SNAPC1: variants seen among roughly 807,000 people sequenced by gnomAD.
SNAPC1 encodes small nuclear RNA activating complex polypeptide 1.
A neutral mutation model predicts 50.1 loss-of-function variants in SNAPC1; 42 were observed. The observed-to-expected ratio is 0.84, with a 90% CI of 0.65 to 1.08. SNAPC1 has a LOEUF of 1.08. SNAPC1 is among the 50% of genes least tolerant of loss of function. The pLI is 0.00. For missense variants in SNAPC1, 477 were observed against 427.3 expected (o/e 1.12, Z -1.02); for synonymous variants, 164 against 144.2 (o/e 1.14, Z -0.98).
At position 61,776,215 on chromosome 14, in the gene SNAPC1, A is replaced by G. The variant is rs1309083468; in HGVS notation, c.655A>G (p.Ile219Val). Residue 219 changes from isoleucine to valine, a missense_variant, in exon 5 of 10, where the codon ATA (isoleucine) becomes GTA (valine). Coordinates refer to ENST00000216294, the MANE Select transcript of SNAPC1 (RefSeq NM_003082.4). ...KDDFFDNIKN[I>V]VLEHQQWHKD... Reference sequence around the variant, plus strand: ...TGATTTTTTTGACAATATTAAGAACATAGTTTTGGAGCATCAGCAGTGGCA... The same window carrying G: ...TGATTTTTTTGACAATATTAAGAACGTAGTTTTGGAGCATCAGCAGTGGCA... The G allele has an allele frequency of 5.0e-6, 8 of 1,613,348 alleles. No individual in the cohort carries two copies. The highest frequency in any genetic ancestry group is 1.7e-4 in the Middle Eastern group (1 of 6,056).
chr14:61,762,610 C>T (rs200130280), intron 1 of SNAPC1, 22 bp downstream of exon 1: 1 of 1,605,398 alleles, frequency 6.2e-7, no homozygotes, highest in Admixed American at 1.7e-5. Flanking sequence ...TTGTCCACCA[C>T]CCGCCTCTCC....
At chr14:61,782,861 A>C (rs28547992) in intron 8 of SNAPC1, among the ~76,000 whole-genome samples, 1 of 151,916 alleles carries the variant, frequency 6.6e-6, no homozygotes. Flanking sequence ...AGCTGAGATC[A>C]TGTCACTTCA....
chr14:61,785,125 G>A (rs905245979), intron 8 of SNAPC1, among the ~76,000 whole-genome samples: 4 of 152,058 alleles, frequency 2.6e-5, no homozygotes, highest in Admixed American at 6.6e-5. Context: ...TTTCCAGGCC[G>A]GGCGCGGTGG....
chr14:61,775,445 G>A (rs893839530), intron 4 of SNAPC1, among the ~76,000 whole-genome samples: 3 of 151,886 alleles, frequency 2.0e-5, no homozygotes, highest in Admixed American at 1.3e-4. Flanking sequence ...TAGTAGAGAC[G>A]GGGTTTCACC....
intron 8 of SNAPC1, among the ~76,000 whole-genome samples, chr14:61,791,078 C>A (rs1442655191): frequency 6.6e-6 from 1 of 152,134 alleles, no homozygotes; most frequent in Non-Finnish European, 1.5e-5. Flanking sequence ...GTGGCGCGAT[C>A]TCGGCTCACT....
chr14:61,781,714 C>G lies in SNAPC1; in HGVS notation c.826-533C>G, dbSNP rs545030934. Among the ~76,000 whole-genome samples the G allele has an allele frequency of 1.8e-3, 271 of 152,294 alleles. 1 individual carries two copies. Among genetic ancestry groups the G allele is most frequent in the African/African-American group, 6.3e-3 (263 of 41,572 alleles). ...ATGTTCCCAGCTTTAGCTTCCAAGG[C>G]AAGAAAGAATTTTTCCTTCTTAATA... On this transcript the variant is annotated intron_variant, in intron 7 of 9. Coordinates refer to ENST00000216294, the MANE Select transcript of SNAPC1 (RefSeq NM_003082.4).
At chr14:61,777,445 G>A (rs959733053) in intron 5 of SNAPC1, among the ~76,000 whole-genome samples, 6 of 152,058 alleles carry the variant, frequency 3.9e-5, no homozygotes. Context: ...TGGCATGACT[G>A]CAGCTCACTG....
intron 8 of SNAPC1, among the ~76,000 whole-genome samples, chr14:61,791,016 T>C (rs111594116): frequency 1.2e-4 from 19 of 152,274 alleles, no homozygotes; most frequent in African/African-American, 4.6e-4. Context: ...AATTTACTTT[T>C]TTGTTCCCTC....
chr14:61,776,108 T>C lies in SNAPC1; in HGVS notation c.548T>C (p.Val183Ala). ...TTTTGCTTTTAGGAAATGCTGAATG[T>C]TCATGATCATTATCAGAACATGAAA... ...TSDVLEEMLN[V>A]HDHYQNMKHV... The change falls in exon 5 of 10, where the codon GTT becomes GCT. Residue 183 changes from valine to alanine, a missense_variant. Val to Ala is a moderately conservative substitution (Grantham distance 64). Transcript: ENST00000216294. 1 of 1,592,820 alleles carries C rather than the reference T, an allele frequency of 6.3e-7. No homozygotes were observed. The highest frequency in any genetic ancestry group is 8.5e-7 in the Non-Finnish European group (1 of 1,174,794).
At chr14:61,767,952 G>T (rs1322064448) in intron 3 of SNAPC1, among the ~76,000 whole-genome samples, 1 of 152,116 alleles carries the variant, frequency 6.6e-6, no homozygotes, top group African/African-American at 2.4e-5. Flanking sequence ...GCTAATTTTT[G>T]TATTTTTAGT....
chr14:61,794,991 GCCTGGT>G lies in SNAPC1; in HGVS notation c.*9_*14del. ...AAGAGGAGAAAACACTGAACAAAGAGCCTGGTGTAGTTTTTAATTTTGAGTTTTCTG... is the reference window on the plus strand; with the variant it reads ...AAGAGGAGAAAACACTGAACAAAGAGGTAGTTTTTAATTTTGAGTTTTCTG... On this transcript the variant is annotated 3_prime_UTR_variant, in exon 10 of 10. Coordinates refer to ENST00000216294, the MANE Select transcript of SNAPC1 (RefSeq NM_003082.4). 6.4e-7 allele frequency: 1 copy of G among 1,559,716 alleles called. No individual in the cohort carries two copies. The highest frequency in any genetic ancestry group is 8.7e-7 in the Non-Finnish European group (1 of 1,153,758).
rs181005358 is a variant in SNAPC1 at position 61,764,016 on chromosome 14, C to T, written c.128+1428C>T. Among the ~76,000 whole-genome samples the T allele has an allele frequency of 5.6e-4, 85 of 152,220 alleles. No individual in the cohort carries two copies. The East Asian group carries it at 0.014, about 25-fold the overall frequency. Reference sequence around the variant, plus strand: ...ATGGTGCGATCTCCTATCACTGCAACCTCCACCTCCCGGGTTCAAGAGATT... The same window carrying T: ...ATGGTGCGATCTCCTATCACTGCAATCTCCACCTCCCGGGTTCAAGAGATT... On this transcript the variant is annotated intron_variant, in intron 1 of 9. Transcript: ENST00000216294.
chr14:61,763,896 A>G (rs913303939), intron 1 of SNAPC1, among the ~76,000 whole-genome samples: 1 of 152,194 alleles, frequency 6.6e-6, no homozygotes, highest in Non-Finnish European at 1.5e-5. Context: ...GAGCTGATAT[A>G]TCAGAAATAC....
chr14:61,775,497 TCCC>T (rs1194400603), intron 4 of SNAPC1, among the ~76,000 whole-genome samples: 10 of 151,970 alleles, frequency 6.6e-5, no homozygotes, highest in African/African-American at 1.9e-4. Flanking sequence ...CTGGTGATTC[TCCC>T]ACCTTGGCCT....
intron 8 of SNAPC1, among the ~76,000 whole-genome samples, chr14:61,785,628 A>G (rs1225173645): frequency 6.6e-6 from 1 of 152,180 alleles, no homozygotes; most frequent in African/African-American, 2.4e-5. Context: ...CATTTTAGGG[A>G]GACATGACAC....
Position 61,766,957 on chromosome 14 carries a change from C to T in SNAPC1, c.210C>T (p.Tyr70=). Residue 70 remains tyrosine, a synonymous_variant, in exon 2 of 10, where the codon TAC becomes TAT. Coordinates refer to ENST00000216294, the MANE Select transcript of SNAPC1 (RefSeq NM_003082.4). The part of the protein sequence containing the change: ...ALAWRYFLPP[Y]TFQIRVGALY... ...CTTGGCGATATTTTTTACCTCCATA[C>T]ACCTTCCAGATCAGAGTTGGTGCTT... The T allele has an allele frequency of 1.2e-6, 2 of 1,608,976 alleles. No individual in the cohort carries two copies. Among genetic ancestry groups the T allele is most frequent in the Non-Finnish European group, 1.7e-6 (2 of 1,175,454 alleles).
At chr14:61,794,469 G>A (rs1002760341) in intron 9 of SNAPC1, among the ~76,000 whole-genome samples, 2 of 152,002 alleles carry the variant, frequency 1.3e-5, no homozygotes, top group Non-Finnish European at 2.9e-5. Context: ...GCAGTGGCAC[G>A]ATCTTGGCTC....
intron 7 of SNAPC1, 51 bp downstream of exon 7, chr14:61,778,961 A>G: frequency 1.9e-6 from 2 of 1,030,162 alleles, no homozygotes. Flanking sequence ...TTTTTAAATT[A>G]TATTTCAATT....
chr14:61,779,868 A>T (rs1273324495), intron 7 of SNAPC1, among the ~76,000 whole-genome samples: 1 of 151,746 alleles, frequency 6.6e-6, no homozygotes, highest in Admixed American at 6.6e-5. Flanking sequence ...ATCACCACGC[A>T]TGGCTAATTT....
Sources: allele counts gnomAD v4.1 joint callset (sites outside exome capture counted in the v4.1 genomes callset), GRCh38; gene constraint gnomAD v4.1.1; transcripts MANE v1.5; gene names NCBI Gene and HGNC (gene_info 2026-07-23, HGNC 2026-07-21).